COL1A2: variants seen among roughly 807,000 people sequenced by gnomAD.
COL1A2 encodes the protein collagen alpha-2(I) chain.
In COL1A2, 49 loss-of-function variants were observed where a neutral mutation model predicts 174.3. That is an observed-to-expected ratio of 0.28 (90% CI 0.22 to 0.36). COL1A2 has a LOEUF of 0.36. Ranked by LOEUF, COL1A2 falls within the 10% of genes least tolerant of loss-of-function variation. The pLI is 1.00. For missense variants in COL1A2, 1,438 were observed against 1,822.7 expected, an observed-to-expected ratio of 0.79 and a Z score of 3.84; for synonymous variants, 655 against 606.6, an observed-to-expected ratio of 1.08 and a Z score of -1.17.
In COL1A2 at chr7:94,426,022, G is replaced by T. The variant is rs367848162; in HGVS notation, c.2968G>T (p.Ala990Ser). ...ETGPSGPVGP[A>S]GAVGPRGPSG... ...GGGTCCTTCTGGTCCTGTTGGTCCT[G>T]CTGGTGCTGTTGGCCCAAGAGGTCC... Residue 990 changes from alanine to serine, a missense_variant, in exon 45 of 52, where the codon GCT becomes TCT. Coordinates refer to ENST00000297268, the MANE Select transcript of COL1A2 (RefSeq NM_000089.4). 161 of 1,613,998 alleles carry T rather than the reference G, an allele frequency of 1.0e-4. No individual in the cohort carries two copies. Among genetic ancestry groups the T allele is most frequent in the Non-Finnish European group, 1.3e-4 (148 of 1,180,024 alleles).
chr7:94,409,923 T>C, intron 19 of COL1A2, 102 bp downstream of exon 19: 1 of 1,182,156 alleles, frequency 8.5e-7, no homozygotes, highest in South Asian at 1.3e-5. Flanking sequence ...ATTCCTATTT[T>C]TCTCTTCCTT....
At position 94,405,613 on chromosome 7, in the gene COL1A2, G is replaced by GTCACTGTCT. The variant is rs2115878754; in HGVS notation, c.487-58_487-50dup. ...AGAATAAATACTTTGGAGGGAAGAAGTCACTGTCTTTTTATTTATGGTAAA... is the reference window on the plus strand; with the variant it reads ...AGAATAAATACTTTGGAGGGAAGAAGTCACTGTCTTCACTGTCTTTTTATTTATGGTAAA... On this transcript the variant is annotated intron_variant, in intron 10 of 51. Transcript: ENST00000297268. The GTCACTGTCT allele has an allele frequency of 9.7e-6, 14 of 1,439,542 alleles. No homozygotes were observed. In the South Asian group the frequency reaches 1.6e-4, roughly 16 times the overall value. The allele number at this position is 1,439,542 out of a possible 1,614,324, so 89.2% of individuals were successfully genotyped here. A position where few individuals can be genotyped will look rare whatever the true frequency, so the allele number is the denominator to read the frequency against.
Position 94,425,815 on chromosome 7 carries a change from C to T in COL1A2, c.2901C>T (p.Gly967=). 6.2e-7 allele frequency: 1 copy of T among 1,612,478 alleles called. No individual in the cohort carries two copies. Among genetic ancestry groups the T allele is most frequent in the Non-Finnish European group, 8.5e-7 (1 of 1,179,290 alleles). Residue 967 remains glycine (G), a synonymous_variant, in exon 44 of 52, where the codon GGC becomes GGT. Coordinates refer to ENST00000297268, the MANE Select transcript of COL1A2 (RefSeq NM_000089.4). Reference sequence around the variant, plus strand: ...CTGCAGGTGCACCTGGTCCTCATGGCCCCGTGGGTCCTGCTGGCAAACATG... The same window carrying T: ...CTGCAGGTGCACCTGGTCCTCATGGTCCCGTGGGTCCTGCTGGCAAACATG... The part of the protein sequence containing the change: ...VGAAGAPGPH[G]PVGPAGKHGN...
chr7:94,429,927 C>T, intron 51 of COL1A2: 1 of 370,074 alleles, frequency 2.7e-6, no homozygotes. Context: ...AGGTCCCGCT[C>T]CCAAAGACAC....
intron 19 of COL1A2, 133 bp from the exon 20 acceptor site, chr7:94,410,109 T>C: frequency 2.2e-6 from 2 of 923,820 alleles, no homozygotes; most frequent in Non-Finnish European, 3.5e-6. Context: ...TCAATTTAAA[T>C]ATGAACAGGG....
intron 34 of COL1A2, 91 bp from the exon 35 acceptor site, chr7:94,420,142 T>C (rs1584325960): frequency 6.6e-7 from 1 of 1,522,516 alleles, no homozygotes; most frequent in South Asian, 1.1e-5. Flanking sequence ...AACTACAGAC[T>C]CTGTCTGTCC....
At chr7:94,417,433 C>G in intron 31 of COL1A2, 1 of 425,474 alleles carries the variant, frequency 2.4e-6, no homozygotes, top group Non-Finnish European at 4.4e-6. Context: ...CTCTCTGCTT[C>G]CCATTGTCCT....
Position 94,429,593 on chromosome 7 carries a change from T to G in COL1A2, c.3954+163T>G, listed in dbSNP as rs1349982464. On this transcript the variant is annotated intron_variant, in intron 51 of 51. Coordinates refer to ENST00000297268, the MANE Select transcript of COL1A2 (RefSeq NM_000089.4). ...ATTCAGTTTTTGTATGTATTTTATA[T>G]TTATTTATTTATACGTATTAATTTC... The G allele has an allele frequency of 1.2e-5, 8 of 645,226 alleles. No homozygotes were observed. The Admixed American group carries it at 2.4e-4, about 19-fold the overall frequency. 40.0% of individuals were successfully genotyped at this position (645,226 alleles called of 1,614,324 possible).
chr7:94,430,220 T>G, intron 51 of COL1A2, 27 bp from the exon 52 acceptor site: 5 of 1,604,356 alleles, frequency 3.1e-6, no homozygotes, highest in Non-Finnish European at 4.3e-6. Flanking sequence ...TGATGCTTTG[T>G]GTATCTATTT....
rs1791759160 is a variant in COL1A2 at position 94,404,701 on chromosome 7, A to G, written c.333A>G (p.Gln111=). The G allele has an allele frequency of 6.2e-7, 1 of 1,614,180 alleles. No homozygotes were observed. Among genetic ancestry groups the G allele is most frequent in the Non-Finnish European group, 8.5e-7 (1 of 1,180,014 alleles). The change falls in exon 8 of 52, where the codon CAA becomes CAG. Residue 111 remains glutamine, a synonymous_variant. Transcript: ENST00000297268. Reference sequence around the variant, plus strand: ...TTCTTTTTTTCTTTTAGGGCCCTCAAGGTTTCCAAGGACCTGCTGGTGAGC... The same window carrying G: ...TTCTTTTTTTCTTTTAGGGCCCTCAGGGTTTCCAAGGACCTGCTGGTGAGC... ...PPGAAGAPGP[Q]GFQGPAGEPG...
At position 94,416,297 on chromosome 7, in the gene COL1A2, A is replaced by G. The variant is rs549343470; in HGVS notation, c.1765-108A>G. ...ACAAAAGAAATTTTAATTTGCTAAT[A>G]AATGCAAACCAGGGCTCGGAAGCTA... On this transcript the variant is annotated intron_variant, in intron 30 of 51. Coordinates refer to ENST00000297268, the MANE Select transcript of COL1A2 (RefSeq NM_000089.4). The G allele has an allele frequency of 5.0e-5, 47 of 943,462 alleles. No individual in the cohort carries two copies. The African/African-American group carries it at 6.3e-4, about 13-fold the overall frequency. 58.4% of individuals were successfully genotyped at this position (943,462 alleles called of 1,614,324 possible).
intron 24 of COL1A2, 62 bp downstream of exon 24, chr7:94,412,183 A>G (rs1791942891): frequency 7.1e-7 from 1 of 1,405,578 alleles, no homozygotes; most frequent in Non-Finnish European, 1.0e-6. Flanking sequence ...TATCAAGTCT[A>G]TTTTGTGGCT....
intron 41 of COL1A2, 34 bp from the exon 42 acceptor site, chr7:94,425,083 G>T (rs1162418992): frequency 6.3e-7 from 1 of 1,578,884 alleles, no homozygotes; most frequent in South Asian, 1.1e-5. Context: ...CATCGAATAA[G>T]GGGAATGTCA....
rs148959032 is a variant in COL1A2 at position 94,409,414 on chromosome 7, A to G, written c.885A>G (p.Gly295=). ...TTCCAGGCCTCTCCGGCCCCGTTGGACCTCCTGTAAGTAGCCACTGTCTTT... is the reference window on the plus strand; with the variant it reads ...TTCCAGGCCTCTCCGGCCCCGTTGGGCCTCCTGTAAGTAGCCACTGTCTTT... ...VGLPGLSGPV[G]PPGNPGANGL... The change falls in exon 17 of 52, where the codon GGA becomes GGG. Residue 295 remains glycine (G), a synonymous_variant. Coordinates refer to ENST00000297268, the MANE Select transcript of COL1A2 (RefSeq NM_000089.4). 2 of 1,614,086 alleles carry G rather than the reference A, an allele frequency of 1.2e-6. No individual in the cohort carries two copies. The highest frequency in any genetic ancestry group is 2.7e-5 in the African/African-American group (2 of 75,008).
chr7:94,424,656 A>T (rs1462358394), intron 41 of COL1A2: 2 of 563,820 alleles, frequency 3.5e-6, no homozygotes, highest in Non-Finnish European at 6.3e-6. Context: ...AATTATGCAG[A>T]ATGATTTTTG....
intron 12 of COL1A2, 61 bp downstream of exon 12, chr7:94,406,364 A>T: frequency 6.7e-7 from 1 of 1,485,318 alleles, no homozygotes; most frequent in East Asian, 2.3e-5. Context: ...CATGACCTCC[A>T]AAAAAGTATA....
At chr7:94,425,007 T>G in intron 41 of COL1A2, 110 bp from the exon 42 acceptor site, 1 of 907,078 alleles carries the variant, frequency 1.1e-6, no homozygotes, top group South Asian at 1.4e-5. Flanking sequence ...TCACATTCAA[T>G]TTACCTTCTT....
chr7:94,408,065 C>A, intron 13 of COL1A2, 118 bp from the exon 14 acceptor site: 2 of 1,263,394 alleles, frequency 1.6e-6, no homozygotes, highest in Admixed American at 2.0e-5. Context: ...AATTAGAAGG[C>A]AACTTATTTA....
chr7:94,405,546 T>C, intron 10 of COL1A2, 127 bp from the exon 11 acceptor site: 1 of 892,294 alleles, frequency 1.1e-6, no homozygotes, highest in Middle Eastern at 2.2e-4. Flanking sequence ...ACTCTGTGCT[T>C]AGAGGTATAC....
Sources: gnomAD v4.1 joint callset for allele counts on GRCh38, gnomAD v4.1.1 for gene constraint, MANE v1.5 for transcripts, NCBI Gene and HGNC (gene_info 2026-07-23, HGNC 2026-07-21) for gene names.